MTHFD1L: variants seen among roughly 807,000 people sequenced by gnomAD.
The protein encoded by MTHFD1L is methylenetetrahydrofolate dehydrogenase (NADP+ dependent) 1 like.
In MTHFD1L, 81 loss-of-function variants were observed where a neutral mutation model predicts 119.5. The observed-to-expected ratio is 0.68, with a 90% CI of 0.57 to 0.82. MTHFD1L has a LOEUF of 0.82. Among genes scored for constraint, MTHFD1L ranks in the 40% least tolerant of loss-of-function variants. The pLI, the probability that MTHFD1L is intolerant of heterozygous loss-of-function variation, is 0.00. For missense variants in MTHFD1L, 1,125 were observed against 1,253.4 expected, an observed-to-expected ratio of 0.90 and a Z score of 1.55; for synonymous variants, 430 against 475.2, an observed-to-expected ratio of 0.90 and a Z score of 1.24.
chr6:150,903,309 C>T (rs561275279), intron 7 of MTHFD1L, among the ~76,000 whole-genome samples: 8 of 149,784 alleles, frequency 5.3e-5, no homozygotes, highest in African/African-American at 2.0e-4. Context: ...ACCTCTGCCT[C>T]CCAGGTTCAA....
chr6:150,937,601 C>T (rs2128939073), intron 12 of MTHFD1L, among the ~76,000 whole-genome samples: 1 of 152,282 alleles, frequency 6.6e-6, no homozygotes, highest in East Asian at 1.9e-4. Context: ...TCATAAAGTA[C>T]TGATAACGCA....
chr6:151,064,487 G>A (rs1204741954), intron 26 of MTHFD1L, among the ~76,000 whole-genome samples: 1 of 151,968 alleles, frequency 6.6e-6, no homozygotes, highest in Admixed American at 6.6e-5. Context: ...CTAATGTTTT[G>A]TATTTTTAGT....
chr6:151,016,963 C>T (rs918963774), intron 24 of MTHFD1L, among the ~76,000 whole-genome samples: 3 of 151,372 alleles, frequency 2.0e-5, no homozygotes, highest in Non-Finnish European at 2.9e-5. Flanking sequence ...TTAGTAGAGT[C>T]GGGGTTTCAC....
chr6:150,989,097 T>G (rs1296247874), intron 20 of MTHFD1L, among the ~76,000 whole-genome samples: 1 of 152,240 alleles, frequency 6.6e-6, no homozygotes, highest in Non-Finnish European at 1.5e-5. Context: ...GAATGTTGTC[T>G]TAACCATTAA....
intron 13 of MTHFD1L, 82 bp downstream of exon 13, chr6:150,938,827 C>T (rs1485657195): frequency 2.0e-6 from 3 of 1,475,840 alleles, no homozygotes; most frequent in Non-Finnish European, 2.8e-6. Flanking sequence ...CACACAGGCC[C>T]ACAGACCCTC....
At chr6:150,870,190 C>T (rs1779161331) in intron 1 of MTHFD1L, among the ~76,000 whole-genome samples, 1 of 152,210 alleles carries the variant, frequency 6.6e-6, no homozygotes, top group African/African-American at 2.4e-5. Context: ...CACATTCCTT[C>T]CCACTGTCCT....
chr6:150,994,064 T>G (rs1183877273), intron 20 of MTHFD1L, among the ~76,000 whole-genome samples: 3 of 74,276 alleles, frequency 4.0e-5, no homozygotes, highest in African/African-American at 2.3e-4. Context: ...ACAACAACAG[T>G]AAAAAAAAAA....
intron 24 of MTHFD1L, among the ~76,000 whole-genome samples, chr6:151,021,623 G>A (rs1309088071): frequency 6.6e-6 from 1 of 152,150 alleles, no homozygotes; most frequent in East Asian, 1.9e-4. Flanking sequence ...GAAAGAGAGT[G>A]GGCCTCCTGA....
chr6:150,868,014 G>T (rs1303495108), intron 1 of MTHFD1L, among the ~76,000 whole-genome samples: 5 of 152,046 alleles, frequency 3.3e-5, no homozygotes. Context: ...TGGCCAGGCT[G>T]GTCTTGAACT....
intron 26 of MTHFD1L, among the ~76,000 whole-genome samples, chr6:151,063,750 G>T (rs1317244396): frequency 6.6e-5 from 10 of 152,116 alleles, no homozygotes; most frequent in African/African-American, 2.4e-4. Context: ...GGGAATGTAA[G>T]AATTAAATAA....
intron 17 of MTHFD1L, 121 bp downstream of exon 17, chr6:150,956,192 C>G (rs902872181): frequency 2.1e-6 from 2 of 948,272 alleles, no homozygotes; most frequent in Admixed American, 4.0e-5. Context: ...GGTTCTCTCA[C>G]TGTTTTGGGT....
In MTHFD1L at chr6:151,011,203, G is replaced by A. The variant is rs143957233; in HGVS notation, c.2265+1245G>A. On this transcript the variant is annotated intron_variant, in intron 21 of 27. Transcript: ENST00000367321. ...TCATCATCATTTCAAATGCAAGAAT[G>A]ATATAATACAGATTAAAAGTAGTAA... 1.6e-4 allele frequency among the ~76,000 whole-genome samples: 24 copies of A among 152,306 alleles called. No individual in the cohort carries two copies. The East Asian group carries it at 3.1e-3, about 20-fold the overall frequency.
chr6:151,021,589 T>G (rs550416535), intron 24 of MTHFD1L, among the ~76,000 whole-genome samples: 13 of 152,234 alleles, frequency 8.5e-5, no homozygotes, highest in African/African-American at 2.9e-4. Context: ...CAATGCTGGT[T>G]CTTCCTCCTG....
chr6:150,907,259 G>T (rs1199980681), intron 8 of MTHFD1L, among the ~76,000 whole-genome samples: 1 of 152,090 alleles, frequency 6.6e-6, no homozygotes, highest in Non-Finnish European at 1.5e-5. Flanking sequence ...ATATGACAGT[G>T]ACATATATTT....
intron 26 of MTHFD1L, chr6:151,041,709 C>T: frequency 2.1e-6 from 1 of 472,092 alleles, no homozygotes; most frequent in Non-Finnish European, 4.3e-6. Context: ...TAAATAAAAC[C>T]ATACAGGCAC....
chr6:151,053,569 T>TA (rs900044864), intron 26 of MTHFD1L, among the ~76,000 whole-genome samples: 2 of 152,098 alleles, frequency 1.3e-5, no homozygotes, highest in Non-Finnish European at 2.9e-5. Flanking sequence ...ATATATAGTT[T>TA]AAAACGCTGG....
chr6:150,961,089 C>CTTTTTTT (rs35978918), intron 18 of MTHFD1L, among the ~76,000 whole-genome samples: 7 of 113,404 alleles, frequency 6.2e-5, no homozygotes, highest in African/African-American at 9.8e-5. Flanking sequence ...TTCCTGTTAA[C>CTTTTTTT]TTTTTTTTTT....
intron 16 of MTHFD1L, among the ~76,000 whole-genome samples, chr6:150,954,744 C>T (rs192751833): frequency 3.3e-5 from 5 of 151,894 alleles, no homozygotes; most frequent in African/African-American, 1.2e-4. Flanking sequence ...ATGGTCATTG[C>T]AGCCTCAACC....
At chr6:150,870,445 A>G (rs1049184807) in intron 1 of MTHFD1L, among the ~76,000 whole-genome samples, 13 of 152,208 alleles carry the variant, frequency 8.5e-5, no homozygotes, top group African/African-American at 3.1e-4. Flanking sequence ...TCCTTTACAT[A>G]CCTGTACAGG....
Sources: gnomAD v4.1 joint callset for allele counts (sites outside exome capture counted in the v4.1 genomes callset) on GRCh38, gnomAD v4.1.1 for gene constraint, MANE v1.5 for transcripts, NCBI Gene and HGNC (gene_info 2026-07-23, HGNC 2026-07-21) for gene names.